The following GALNTL6 variants were observed in gnomAD, a reference collection of about 807,000 sequenced individuals.
The protein encoded by GALNTL6 is polypeptide N-acetylgalactosaminyltransferase-like 6.
Under a neutral mutation model 73.7 loss-of-function variants are expected in GALNTL6, and 46 were observed. The observed-to-expected ratio is 0.62, with a 90% CI of 0.49 to 0.80. The LOEUF (loss-of-function observed/expected upper bound fraction) is 0.80, where lower values mean the gene tolerates loss of function less well. Ranked by LOEUF, GALNTL6 falls within the 30% of genes least tolerant of loss-of-function variation. The probability of loss-of-function intolerance (pLI) is 0.00; values close to 1 mark genes in which losing one functional copy is unlikely to be tolerated. For synonymous variants in GALNTL6, 259 were observed against 263.7 expected, an observed-to-expected ratio of 0.98 and a Z score of 0.17; for missense variants, 604 against 755.0, an observed-to-expected ratio of 0.80 and a Z score of 2.34.
intron 8 of GALNTL6, among the ~76,000 whole-genome samples, chr4:172,907,739 C>G (rs1746979959): frequency 1.3e-5 from 2 of 152,184 alleles, no homozygotes; most frequent in South Asian, 4.1e-4. Flanking sequence ...TGCACTGTAG[C>G]TATAACTTTT....
At chr4:172,762,685 C>T (rs1738181560) in intron 5 of GALNTL6, among the ~76,000 whole-genome samples, 1 of 150,798 alleles carries the variant, frequency 6.6e-6, no homozygotes, top group Admixed American at 6.6e-5. Context: ...CACATTATAA[C>T]ATGTCCTGCT....
chr4:171,968,849 G>GC (rs1739473803), intron 2 of GALNTL6, among the ~76,000 whole-genome samples: 1 of 150,210 alleles, frequency 6.7e-6, no homozygotes, highest in Non-Finnish European at 1.5e-5. Flanking sequence ...GGTGGGGGGG[G>GC]GGTTGGGGAC....
chr4:172,118,674 T>A lies in GALNTL6; in HGVS notation c.139-110982T>A, dbSNP rs1447900887. On this transcript the variant is annotated intron_variant, in intron 2 of 12. Coordinates refer to ENST00000506823, the MANE Select transcript of GALNTL6 (RefSeq NM_001034845.3). ...GAGATTGTGCCACTGCACCCCAGCA[T>A]GGGAGATAGAGCAAGACTCTGTCTC... 2.7e-5 allele frequency among the ~76,000 whole-genome samples: 4 copies of A among 148,634 alleles called. No individual in the cohort carries two copies. The East Asian group carries it at 8.0e-4, about 30-fold the overall frequency.
rs190480358 is a variant in GALNTL6 at position 172,684,126 on chromosome 4, G to A, written c.554-125235G>A. ...CTCTCTAGTTATTAGCTATCTCAATGGCTTAACACCATAGTAAAGAAAATC... is the reference window on the plus strand; with the variant it reads ...CTCTCTAGTTATTAGCTATCTCAATAGCTTAACACCATAGTAAAGAAAATC... On this transcript the variant is annotated intron_variant, in intron 5 of 12. Coordinates refer to ENST00000506823, the MANE Select transcript of GALNTL6 (RefSeq NM_001034845.3). 8.0e-4 allele frequency among the ~76,000 whole-genome samples: 122 copies of A among 152,172 alleles called. 1 individual carries two copies. Among genetic ancestry groups the A allele is most frequent in the African/African-American group, 2.9e-3 (121 of 41,516 alleles).
At chr4:173,015,451 G>A (rs1752742934) in intron 11 of GALNTL6, among the ~76,000 whole-genome samples, 1 of 152,214 alleles carries the variant, frequency 6.6e-6, no homozygotes, top group African/African-American at 2.4e-5. Context: ...ACTTCCTAGA[G>A]ACTTGTTAAA....
At chr4:172,452,051 C>A (rs1004200112) in intron 5 of GALNTL6, among the ~76,000 whole-genome samples, 11 of 151,852 alleles carry the variant, frequency 7.2e-5, no homozygotes, top group Admixed American at 7.2e-4. Context: ...AATTTGTTTC[C>A]AAAAAACCCA....
At chr4:172,693,265 G>C (rs1030404541) in intron 5 of GALNTL6, among the ~76,000 whole-genome samples, 1 of 152,038 alleles carries the variant, frequency 6.6e-6, no homozygotes, top group Non-Finnish European at 1.5e-5. Flanking sequence ...TATCTATTAG[G>C]ATTTGGAAGT....
chr4:172,308,119 C>T (rs928070018), intron 3 of GALNTL6, among the ~76,000 whole-genome samples: 1 of 133,478 alleles, frequency 7.5e-6, no homozygotes, highest in East Asian at 2.5e-4. Flanking sequence ...GATTTGTATT[C>T]ATCGATTTTG....
At position 171,866,920 on chromosome 4, in the gene GALNTL6, A is replaced by T. The variant is rs138471036; in HGVS notation, c.138+52202A>T. Reference sequence around the variant, plus strand: ...GGATTTCAACATGAATTTTAGGGAGACACACACATTCAGTCCATTGTATAA... The same window carrying T: ...GGATTTCAACATGAATTTTAGGGAGTCACACACATTCAGTCCATTGTATAA... On this transcript the variant is annotated intron_variant, in intron 2 of 12. Coordinates refer to ENST00000506823, the MANE Select transcript of GALNTL6 (RefSeq NM_001034845.3). Among the ~76,000 whole-genome samples the T allele has an allele frequency of 8.8e-3, 1,333 of 152,298 alleles. 20 individuals carry two copies. The highest frequency in any genetic ancestry group is 0.031 in the African/African-American group (1,275 of 41,554).
At chr4:172,167,440 G>T (rs116200695) in intron 2 of GALNTL6, among the ~76,000 whole-genome samples, 2 of 152,172 alleles carry the variant, frequency 1.3e-5, no homozygotes, top group Non-Finnish European at 2.9e-5. Context: ...AAAATTCAGC[G>T]AAAGTTGTTG....
intron 2 of GALNTL6, among the ~76,000 whole-genome samples, chr4:171,889,770 T>A (rs1736710188): frequency 6.6e-6 from 1 of 152,114 alleles, no homozygotes; most frequent in Non-Finnish European, 1.5e-5. Context: ...AAATCTCACT[T>A]GCATTGCCAA....
At chr4:172,537,320 A>T (rs753103382) in intron 5 of GALNTL6, among the ~76,000 whole-genome samples, 3 of 152,170 alleles carry the variant, frequency 2.0e-5, no homozygotes, top group Non-Finnish European at 2.9e-5. Flanking sequence ...ATGTTGTGGG[A>T]GGGAACTGGT....
chr4:172,688,224 C>T (rs1347963969), intron 5 of GALNTL6, among the ~76,000 whole-genome samples: 1 of 152,184 alleles, frequency 6.6e-6, no homozygotes, highest in East Asian at 1.9e-4. Context: ...AAATTATTAA[C>T]AACCTAGGTA....
At chr4:173,021,356 C>G in intron 11 of GALNTL6, 120 bp from the exon 12 acceptor site, 1 of 1,022,566 alleles carries the variant, frequency 9.8e-7, no homozygotes, top group Non-Finnish European at 1.5e-6. Context: ...AGACTTAGCT[C>G]TTTTTGGCAG....
At chr4:172,699,645 A>G (rs1347701) in intron 5 of GALNTL6, among the ~76,000 whole-genome samples, 145,880 of 152,170 alleles carry the variant, frequency 0.96, 70,223 homozygotes, top group Non-Finnish European at 1. Context: ...CACTAAGTCC[A>G]GGGAGACCTG....
intron 3 of GALNTL6, chr4:172,266,208 G>A (rs1206448318): frequency 6.6e-6 from 1 of 152,264 alleles, no homozygotes; most frequent in African/African-American, 2.4e-5. Context: ...CTGAGCAGGA[G>A]CAGTGAAAGG....
At chr4:171,865,114 C>A (rs1434214418) in intron 2 of GALNTL6, among the ~76,000 whole-genome samples, 1 of 151,834 alleles carries the variant, frequency 6.6e-6, no homozygotes, top group Non-Finnish European at 1.5e-5. Flanking sequence ...CCATTGCACT[C>A]CAGCCTGGGC....
At position 172,683,614 on chromosome 4, in the gene GALNTL6, C is replaced by T. The variant is rs116717102; in HGVS notation, c.554-125747C>T. Among the ~76,000 whole-genome samples the T allele has an allele frequency of 4.7e-3, 716 of 152,124 alleles. 5 individuals are homozygous for T. Among genetic ancestry groups the T allele is most frequent in the African/African-American group, 0.017 (687 of 41,488 alleles). On this transcript the variant is annotated intron_variant, in intron 5 of 12. Transcript: ENST00000506823. ...CAGATCTTATTATTTGTCAACTGGC[C>T]GTAACTACACCGTACATAACAACTT...
At chr4:172,946,018 A>G (rs2126325164) in intron 9 of GALNTL6, among the ~76,000 whole-genome samples, 1 of 152,298 alleles carries the variant, frequency 6.6e-6, no homozygotes, top group South Asian at 2.1e-4. Context: ...ATTTAAAATC[A>G]TGGGATATGG....
Sources: gnomAD v4.1 joint callset for allele counts (sites outside exome capture counted in the v4.1 genomes callset) on GRCh38, gnomAD v4.1.1 for gene constraint, MANE v1.5 for transcripts, NCBI Gene and HGNC (gene_info 2026-07-23, HGNC 2026-07-21) for gene names.